The following ANO2 variants were observed in gnomAD, a reference collection of about 807,000 sequenced individuals.
The protein encoded by ANO2 is anoctamin-2.
A neutral mutation model predicts 124.2 loss-of-function variants in ANO2; 101 were observed. The ratio of observed to expected loss-of-function variants is 0.81; its 90% confidence interval spans 0.69 to 0.96. The LOEUF (loss-of-function observed/expected upper bound fraction) is 0.96, where lower values mean the gene tolerates loss of function less well. Ranked by LOEUF, ANO2 falls within the 40% of genes least tolerant of loss-of-function variation. The probability of loss-of-function intolerance (pLI) is 0.00; values close to 1 mark genes in which losing one functional copy is unlikely to be tolerated. For missense variants in ANO2, 1,293 were observed against 1,274.5 expected (o/e 1.01, Z -0.22); for synonymous variants, 486 against 482.5 (o/e 1.01, Z -0.09).
Position 5,610,055 on chromosome 12 carries a change from TATAA to T in ANO2, c.2087+2597_2087+2600del, listed in dbSNP as rs1452511466. On this transcript the variant is annotated intron_variant, in intron 19 of 24. Transcript: ENST00000682330. ...TATAGATAAATATAAATATATTATA[TATAA>T]ATATTTATGTTATATATAATATAAA... is the stretch of plus-strand genomic sequence containing the variant. Among the ~76,000 whole-genome samples, 6 of 136,374 alleles carry T rather than the reference TATAA, an allele frequency of 4.4e-5. No individual in the cohort carries two copies. In the South Asian group the frequency reaches 6.4e-4, roughly 15 times the overall value. The allele number at this position is 136,374 out of a possible 152,430, so 89.5% of individuals were successfully genotyped here.
At chr12:5,707,690 A>G (rs1002444923) in intron 14 of ANO2, among the ~76,000 whole-genome samples, 1 of 152,022 alleles carries the variant, frequency 6.6e-6, no homozygotes, top group African/African-American at 2.4e-5. Flanking sequence ...AGTTAAACAT[A>G]CCTTCCGAGT....
chr12:5,912,176 T>C (rs942637360), intron 3 of ANO2, among the ~76,000 whole-genome samples: 4 of 152,242 alleles, frequency 2.6e-5, no homozygotes, highest in East Asian at 1.9e-4. Flanking sequence ...CCCTTCCTCC[T>C]CCGTGTAAAC....
chr12:5,781,065 C>A (rs986873495), intron 10 of ANO2, among the ~76,000 whole-genome samples: 5 of 152,162 alleles, frequency 3.3e-5, no homozygotes, highest in African/African-American at 4.8e-5. Flanking sequence ...GCTCAGGTAG[C>A]AATCGAGAAG....
chr12:5,610,972 CTTTT>C (rs34792083), intron 19 of ANO2, among the ~76,000 whole-genome samples: 1 of 113,642 alleles, frequency 8.8e-6, no homozygotes, highest in Admixed American at 1.0e-4. Context: ...AACTTCTCTG[CTTTT>C]TTTTTTTTTT....
chr12:5,645,103 G>A, intron 15 of ANO2, among the ~76,000 whole-genome samples: 2 of 151,768 alleles, frequency 1.3e-5, no homozygotes, highest in Admixed American at 1.3e-4. Flanking sequence ...TTGGTGTACT[G>A]CATCAAATTA....
At chr12:5,870,108 G>A (rs574121509) in intron 3 of ANO2, 1 of 152,574 alleles carries the variant, frequency 6.6e-6, no homozygotes, top group Non-Finnish European at 1.5e-5. Context: ...AGGGACAACA[G>A]AGGGGAAAGT....
chr12:5,613,229 A>ATG (rs141938606), intron 17 of ANO2, among the ~76,000 whole-genome samples: 8 of 151,678 alleles, frequency 5.3e-5, no homozygotes, highest in South Asian at 2.1e-4. Flanking sequence ...GTGTGCGTGT[A>ATG]TGTGTGTGTG....
chr12:5,588,794 C>T (rs553928024), intron 20 of ANO2, among the ~76,000 whole-genome samples: 2 of 152,278 alleles, frequency 1.3e-5, no homozygotes, highest in Non-Finnish European at 2.9e-5. Flanking sequence ...TGGTTTTGAC[C>T]ACAGACCGGT....
intron 1 of ANO2, among the ~76,000 whole-genome samples, chr12:5,941,917 T>C (rs1942909705): frequency 6.6e-6 from 1 of 151,038 alleles, no homozygotes; most frequent in African/African-American, 2.5e-5. Flanking sequence ...TCCAATGAAG[T>C]ATCCTTCAAA....
At position 5,651,461 on chromosome 12, in the gene ANO2, C is replaced by T. The variant is rs1946911614; in HGVS notation, c.1546-3660G>A. Among the ~76,000 whole-genome samples, 7 of 152,052 alleles carry T rather than the reference C, an allele frequency of 4.6e-5. No homozygotes were observed. The South Asian group carries it at 1.5e-3, about 32-fold the overall frequency. Reference sequence around the variant, plus strand: ...TTAGAGACAAAGTCTCACTCTGCCACCCAGGCTGGAGTGCAATTGCACAAT... The same window carrying T: ...TTAGAGACAAAGTCTCACTCTGCCATCCAGGCTGGAGTGCAATTGCACAAT... On this transcript the variant is annotated intron_variant, in intron 14 of 24. Coordinates refer to ENST00000682330, the MANE Select transcript of ANO2 (RefSeq NM_001364791.2).
chr12:5,906,040 G>A (rs1940657514), intron 3 of ANO2, among the ~76,000 whole-genome samples: 1 of 152,202 alleles, frequency 6.6e-6, no homozygotes, highest in African/African-American at 2.4e-5. Context: ...CCAGACTGAG[G>A]AAGGAGATGG....
rs950157039 is a variant in ANO2, at chr12:5,799,626, G to C, written c.991-55C>G. On this transcript the variant is annotated intron_variant, in intron 9 of 24. Transcript: ENST00000682330. ...GAGGTAGAGATGGGAAACTTCACCT[G>C]ATTTTGTCCATCCTAACAAGTCAGA... is the stretch of plus-strand genomic sequence containing the variant. 14 of 1,517,592 alleles carry C rather than the reference G, an allele frequency of 9.2e-6. No individual in the cohort carries two copies. The Admixed American group carries it at 2.1e-4, about 22-fold the overall frequency. 94.0% of individuals were successfully genotyped at this position (1,517,592 alleles called of 1,614,324 possible).
At chr12:5,746,623 A>G (rs1951273436) in intron 11 of ANO2, among the ~76,000 whole-genome samples, 1 of 152,200 alleles carries the variant, frequency 6.6e-6, no homozygotes, top group Admixed American at 6.5e-5. Flanking sequence ...TATTTTCTCC[A>G]GAAAGCCTAA....
chr12:5,945,534 C>T (rs1943069024), upstream of ANO2, among the ~76,000 whole-genome samples: 2 of 152,394 alleles, frequency 1.3e-5, no homozygotes, highest in East Asian at 1.9e-4. Context: ...CCTGCTCCCC[C>T]AGAGCCGGGG....
In ANO2 at chr12:5,910,531, T is replaced by C. The variant is rs142507397; in HGVS notation, c.534+10509A>G. Reference sequence around the variant, plus strand: ...TCACAGGAACTCATCTTAATGTAGGTTTTTGCCTATATTATTAATTGAAGT... The same window carrying C: ...TCACAGGAACTCATCTTAATGTAGGCTTTTGCCTATATTATTAATTGAAGT... On this transcript the variant is annotated intron_variant, in intron 3 of 24. Coordinates refer to ENST00000682330, the MANE Select transcript of ANO2 (RefSeq NM_001364791.2). 3.1e-3 allele frequency among the ~76,000 whole-genome samples: 476 copies of C among 152,292 alleles called. 1 individual carries two copies. The highest frequency in any genetic ancestry group is 0.014 in the Middle Eastern group (4 of 294).
intron 3 of ANO2, among the ~76,000 whole-genome samples, chr12:5,883,038 T>C (rs1938610961): frequency 6.6e-6 from 1 of 152,060 alleles, no homozygotes; most frequent in Non-Finnish European, 1.5e-5. Flanking sequence ...CTGAGCTCCT[T>C]ATCAGTAGGG....
chr12:5,566,429 G>GT lies in ANO2; in HGVS notation c.2622-767dup, dbSNP rs1360541937. 3.9e-5 allele frequency among the ~76,000 whole-genome samples: 6 copies of GT among 152,250 alleles called. No homozygotes were observed. In the East Asian group the frequency reaches 1.2e-3, roughly 29 times the overall value. On this transcript the variant is annotated intron_variant, in intron 23 of 24. Transcript: ENST00000682330. Reference sequence around the variant, plus strand: ...TCACCCCCATCCCAGAATGATTCATGTGAATACTAGCTCATTTTCTCAGAC... The same window carrying GT: ...TCACCCCCATCCCAGAATGATTCATGTTGAATACTAGCTCATTTTCTCAGAC...
chr12:5,877,458 A>AATATGATTGGGTTG (rs1938186270), intron 3 of ANO2, among the ~76,000 whole-genome samples: 1 of 152,178 alleles, frequency 6.6e-6, no homozygotes. Context: ...GCAACTTAGA[A>AATATGATTGGGTTG]ATATGATTGG....
chr12:5,641,195 C>A (rs1013271417), intron 15 of ANO2, among the ~76,000 whole-genome samples: 6 of 129,588 alleles, frequency 4.6e-5, no homozygotes, highest in Non-Finnish European at 7.7e-5. Flanking sequence ...GGACACAGGG[C>A]GAGGAACATC....
Sources: allele counts gnomAD v4.1 joint callset (sites outside exome capture counted in the v4.1 genomes callset), GRCh38; gene constraint gnomAD v4.1.1; transcripts MANE v1.5; gene names NCBI Gene and HGNC (gene_info 2026-07-23, HGNC 2026-07-21).